The following ANKMY1 variants were observed in gnomAD, a reference collection of about 807,000 sequenced individuals.
ANKMY1 encodes the protein ankyrin repeat and MYND domain-containing protein 1.
A neutral mutation model predicts 102.0 loss-of-function variants in ANKMY1; 98 were observed. The ratio of observed to expected loss-of-function variants is 0.96; its 90% CI spans 0.82 to 1.14. The LOEUF (loss-of-function observed/expected upper bound fraction) is 1.14. ANKMY1 is among the 50% of genes most tolerant of loss of function. ANKMY1 has a pLI of 0.00. For missense variants in ANKMY1, 1,330 were observed against 1,347.6 expected, an observed-to-expected ratio of 0.99 and a Z score of 0.20; for synonymous variants, 582 against 559.9, an observed-to-expected ratio of 1.04 and a Z score of -0.56.
intron 5 of ANKMY1, chr2:240,526,733 C>T: frequency 7.5e-7 from 1 of 1,339,020 alleles, no homozygotes; most frequent in Admixed American, 3.2e-5. Flanking sequence ...ATCTCTGATT[C>T]ATCTGGGTGT....
chr2:240,512,000 A>G lies in ANKMY1; in HGVS notation c.2147T>C (p.Leu716Pro). 6.5e-7 allele frequency: 1 copy of G among 1,546,440 alleles called. No individual in the cohort carries two copies. Among genetic ancestry groups the G allele is most frequent in the African/African-American group, 1.4e-5 (1 of 69,966 alleles). Residue 716 changes from leucine (L) to proline (P), a missense_variant and splice_region_variant, in exon 11 of 18, where the codon CTG becomes CCG. Coordinates refer to ENST00000401804, the MANE Select transcript of ANKMY1 (RefSeq NM_001282771.3). ...DEDDTYKPGKLDLLPSSLKLS... is the reference protein window; with the variant it reads ...DEDDTYKPGKPDLLPSSLKLS... ...CTTCAGACTTGAGGGCAGCAGGTCC[A>G]GCTGTGTAAAACGGAGGGCTCCGCC...
intron 13 of ANKMY1, among the ~76,000 whole-genome samples, chr2:240,503,811 G>A (rs545529285): frequency 2.0e-4 from 31 of 152,342 alleles, no homozygotes; most frequent in Admixed American, 6.5e-4. Flanking sequence ...ACATAGGGTC[G>A]TTGCAGACGA....
chr2:240,549,047 G>A (rs1160677892), intron 4 of ANKMY1, among the ~76,000 whole-genome samples: 9 of 151,458 alleles, frequency 5.9e-5, no homozygotes, highest in South Asian at 2.1e-4. Flanking sequence ...AAAAGAGCCC[G>A]CATCGCCAAG....
chr2:240,505,712 T>A (rs1022687241), intron 13 of ANKMY1, among the ~76,000 whole-genome samples: 3 of 151,882 alleles, frequency 2.0e-5, no homozygotes, highest in Admixed American at 1.3e-4. Flanking sequence ...TTTCTGTGAG[T>A]CTGAAAAGAA....
rs1013236731 is a variant in ANKMY1, at chr2:240,507,671, G to A, written c.2415C>T (p.Thr805=). ...GNELVVKELL[T]QGADPNLPLT... is the part of the protein sequence containing the mutation. ...GGGGCAGGTTGGGGTCAGCTCCCTG[G>A]GTCAGGAGCTCCTTCACAACCTGAA... is the stretch of plus-strand genomic sequence containing the variant. The change falls in exon 13 of 18, where the codon ACC becomes ACT. Residue 805 remains threonine (T), a synonymous_variant. Transcript: ENST00000401804. 3 of 1,608,694 alleles carry A rather than the reference G, an allele frequency of 1.9e-6. No individual in the cohort carries two copies. The highest frequency in any genetic ancestry group is 2.7e-5 in the African/African-American group (2 of 74,878).
In ANKMY1 at chr2:240,520,429, C is replaced by G. The variant is rs1270290157; in HGVS notation, c.1937G>C (p.Gly646Ala). ...MQVLFLAVKA[G>A]DVDGVRLLLE... ...CAGCAGCCTCACCCCATCCACGTCCCCGGCCTTCACAGCAAGGAACAGGAC... is the reference window on the plus strand; with the variant it reads ...CAGCAGCCTCACCCCATCCACGTCCGCGGCCTTCACAGCAAGGAACAGGAC... Residue 646 changes from glycine (G) to alanine (A), a missense_variant, in exon 9 of 18, where the codon GGG becomes GCG. Coordinates refer to ENST00000401804, the MANE Select transcript of ANKMY1 (RefSeq NM_001282771.3). This position sits in a 1 kb window ranked among gnomAD's most constrained non-coding sequence, Gnocchi z 4.8. The G allele has an allele frequency of 1.2e-6, 2 of 1,611,720 alleles. No homozygotes were observed. Among genetic ancestry groups the G allele is most frequent in the Admixed American group, 1.7e-5 (1 of 59,788 alleles).
intron 4 of ANKMY1, among the ~76,000 whole-genome samples, chr2:240,544,172 T>C (rs550569910): frequency 3.9e-5 from 6 of 152,292 alleles, no homozygotes; most frequent in African/African-American, 1.4e-4. Flanking sequence ...GATATATATT[T>C]GTTAAGGAAG....
At chr2:240,560,591 G>T, upstream of ANKMY1, 1 of 1,316,734 alleles carries the variant, frequency 7.6e-7, no homozygotes, top group Non-Finnish European at 9.7e-7. Flanking sequence ...GCGCCCGGCG[G>T]CCCGCCCGGC....
At chr2:240,543,066 T>C (rs765549542) in intron 4 of ANKMY1, among the ~76,000 whole-genome samples, 1 of 151,864 alleles carries the variant, frequency 6.6e-6, no homozygotes, top group Non-Finnish European at 1.5e-5. Context: ...ATAGGTAAAA[T>C]AGGCTGGGCA....
At chr2:240,509,314 G>C in intron 12 of ANKMY1, 34 bp downstream of exon 12, 1 of 1,560,458 alleles carries the variant, frequency 6.4e-7, no homozygotes, top group African/African-American at 1.4e-5. Context: ...GAAACACATA[G>C]GTGCACAGGT....
chr2:240,540,681 C>T (rs1349084841), intron 4 of ANKMY1, among the ~76,000 whole-genome samples: 1 of 152,170 alleles, frequency 6.6e-6, no homozygotes, highest in Non-Finnish European at 1.5e-5. Flanking sequence ...CGCTGCAGCA[C>T]CTGATTAAAG....
chr2:240,531,927 T>G (rs1335267281), intron 4 of ANKMY1: 2 of 215,462 alleles, frequency 9.3e-6, no homozygotes, highest in South Asian at 5.8e-5. Flanking sequence ...GAAAAAATAC[T>G]AAGAAAATAA....
intron 9 of ANKMY1, among the ~76,000 whole-genome samples, chr2:240,515,908 T>C (rs1241053799): frequency 6.6e-6 from 1 of 151,442 alleles, no homozygotes; most frequent in Non-Finnish European, 1.5e-5. Flanking sequence ...GTATTTTTAG[T>C]AGAGACAGGG....
intron 6 of ANKMY1, 187 bp downstream of exon 6, chr2:240,526,042 A>C (rs2083316362): frequency 1.0e-6 from 1 of 966,730 alleles, no homozygotes; most frequent in Non-Finnish European, 1.5e-6. Context: ...ACCCTTCTGC[A>C]CTGGACCACG....
intron 11 of ANKMY1, among the ~76,000 whole-genome samples, chr2:240,511,267 C>T (rs2080126419): frequency 6.6e-6 from 1 of 152,244 alleles, no homozygotes; most frequent in Non-Finnish European, 1.5e-5. Context: ...TCATTAATTT[C>T]ATTTGTAAGT....
intron 15 of ANKMY1, among the ~76,000 whole-genome samples, chr2:240,488,294 T>C (rs910760281): frequency 1.3e-5 from 2 of 152,200 alleles, no homozygotes; most frequent in Non-Finnish European, 2.9e-5. Flanking sequence ...TATTTGGTGT[T>C]ATTTCTGGGT....
At chr2:240,497,903 G>T (rs150099838) in intron 15 of ANKMY1, among the ~76,000 whole-genome samples, 1 of 152,342 alleles carries the variant, frequency 6.6e-6, no homozygotes, top group East Asian at 1.9e-4. Context: ...CTGATGGAAA[G>T]GAGGAGGCAG....
intron 12 of ANKMY1, 106 bp downstream of exon 12, chr2:240,509,242 T>TA (rs1491316598): frequency 8.9e-5 from 79 of 887,516 alleles, no homozygotes; most frequent in Non-Finnish European, 1.2e-4. Flanking sequence ...GATGGATGGA[T>TA]GGATAAATGG....
chr2:240,496,661 T>C (rs895890156), intron 15 of ANKMY1, among the ~76,000 whole-genome samples: 2 of 152,204 alleles, frequency 1.3e-5, no homozygotes, highest in Non-Finnish European at 2.9e-5. Context: ...CTTGGGTTTG[T>C]TCACAGTGAC....
Sources: gnomAD v4.1 joint callset for allele counts (sites outside exome capture counted in the v4.1 genomes callset) on GRCh38, gnomAD v4.1.1 for gene constraint, Gnocchi (gnomAD v3.1) non-coding constraint, MANE v1.5 for transcripts, NCBI Gene and HGNC (gene_info 2026-07-23, HGNC 2026-07-21) for gene names.